LTBP1: variants seen among roughly 807,000 people sequenced by gnomAD.
LTBP1 encodes latent transforming growth factor beta binding protein 1, also known as latent-transforming growth factor beta-binding protein 1.
A neutral mutation model predicts 207.6 loss-of-function variants in LTBP1; 129 were observed. The observed-to-expected ratio is 0.62, with a 90% confidence interval of 0.54 to 0.72. The LOEUF is 0.72. Among genes scored for constraint, LTBP1 ranks in the 30% least tolerant of loss-of-function variants. The pLI, the probability that LTBP1 is intolerant of heterozygous loss-of-function variation, is 0.00. For missense variants in LTBP1, 2,281 were observed against 2,217.2 expected, an observed-to-expected ratio of 1.03 and a Z score of -0.58; for synonymous variants, 963 against 833.7, an observed-to-expected ratio of 1.16 and a Z score of -2.67.
chr2:32,987,919 G>A (rs181604864), intron 2 of LTBP1, among the ~76,000 whole-genome samples: 2 of 152,346 alleles, frequency 1.3e-5, no homozygotes, highest in Admixed American at 1.3e-4. Flanking sequence ...ATCCTGAGAT[G>A]AGGAGGTTTT....
chr2:33,317,903 A>T (rs1430590637), intron 24 of LTBP1: 1 of 152,116 alleles, frequency 6.6e-6, no homozygotes, highest in Non-Finnish European at 1.5e-5. Flanking sequence ...TAAGTGTAGC[A>T]TGGCAGCTTC....
intron 3 of LTBP1, among the ~76,000 whole-genome samples, chr2:33,030,869 G>A (rs1039464181): frequency 6.6e-6 from 1 of 151,976 alleles, no homozygotes; most frequent in Non-Finnish European, 1.5e-5. Context: ...AAGCAATTTT[G>A]TGTTTCTTAG....
chr2:33,139,075 G>T (rs1168716691), intron 5 of LTBP1, among the ~76,000 whole-genome samples: 1 of 151,432 alleles, frequency 6.6e-6, no homozygotes, highest in Non-Finnish European at 1.5e-5. Flanking sequence ...AGCCAGGATG[G>T]TCTCCATCTC....
chr2:32,947,462 C>CGGGCCCCCGCGT lies in LTBP1; in HGVS notation c.139_150dup (p.Gly47_Arg50dup). ...TGGCAGCCGGCGCCTTGCCCCTGAGCGGGCCCCCGCGTTCGCGGACATTCA... is the reference window on the plus strand; with the variant it reads ...TGGCAGCCGGCGCCTTGCCCCTGAGCGGGCCCCCGCGTGGGCCCCCGCGTTCGCGGACATTCA... On this transcript the variant is annotated inframe_insertion, in exon 1 of 34. Coordinates refer to ENST00000404816, the MANE Select transcript of LTBP1 (RefSeq NM_206943.4). The CGGGCCCCCGCGT allele has an allele frequency of 3.5e-6, 5 of 1,442,696 alleles. No homozygotes were observed. Among genetic ancestry groups the CGGGCCCCCGCGT allele is most frequent in the Non-Finnish European group, 4.5e-6 (5 of 1,100,780 alleles). The allele number at this position is 1,442,696 out of a possible 1,614,324, so 89.4% of individuals were successfully genotyped here. A position where few individuals can be genotyped will look rare whatever the true frequency, so the allele number is the denominator to read the frequency against.
chr2:33,294,197 TG>T (rs1258077302), intron 20 of LTBP1, among the ~76,000 whole-genome samples: 1 of 151,086 alleles, frequency 6.6e-6, no homozygotes, highest in Non-Finnish European at 1.5e-5. Flanking sequence ...TTTGTTTCTT[TG>T]TTTTGGGTGT....
At chr2:33,271,125 A>C (rs964915069) in intron 15 of LTBP1, among the ~76,000 whole-genome samples, 1 of 152,226 alleles carries the variant, frequency 6.6e-6, no homozygotes, top group Non-Finnish European at 1.5e-5. Flanking sequence ...CACACATATA[A>C]AGAAGTTCCA....
intron 24 of LTBP1, among the ~76,000 whole-genome samples, chr2:33,326,191 T>C (rs2094424615): frequency 6.6e-6 from 1 of 152,208 alleles, no homozygotes; most frequent in Non-Finnish European, 1.5e-5. Flanking sequence ...TCATGTATAA[T>C]ATCAAGGTTT....
At chr2:33,038,393 C>T (rs1358060100) in intron 3 of LTBP1, among the ~76,000 whole-genome samples, 1 of 152,210 alleles carries the variant, frequency 6.6e-6, no homozygotes, top group Admixed American at 6.5e-5. Context: ...AGCTTTGTCT[C>T]TGTGCCCCAT....
chr2:33,018,313 C>T (rs955851281), intron 2 of LTBP1, among the ~76,000 whole-genome samples: 3 of 152,066 alleles, frequency 2.0e-5, no homozygotes, highest in African/African-American at 7.2e-5. Context: ...AGTCCTTGGC[C>T]TCCCCCTAGG....
chr2:33,326,785 A>C (rs932479200), intron 24 of LTBP1, among the ~76,000 whole-genome samples: 13 of 152,028 alleles, frequency 8.6e-5, no homozygotes, highest in Non-Finnish European at 1.3e-4. Context: ...CAGCCTCCCC[A>C]GTAGCTGGGA....
chr2:32,955,995 T>C (rs2148332434), intron 2 of LTBP1, among the ~76,000 whole-genome samples: 1 of 152,344 alleles, frequency 6.6e-6, no homozygotes, highest in East Asian at 1.9e-4. Flanking sequence ...CTCATGTTTA[T>C]ATACTATATT....
chr2:33,222,930 T>G (rs2091209758), intron 9 of LTBP1, among the ~76,000 whole-genome samples: 1 of 152,352 alleles, frequency 6.6e-6, no homozygotes, highest in East Asian at 1.9e-4. Flanking sequence ...GATGAAGATG[T>G]TGTTATTAGT....
At chr2:33,257,570 T>A in intron 12 of LTBP1, 59 bp downstream of exon 12, 1 of 1,416,972 alleles carries the variant, frequency 7.1e-7, no homozygotes, top group Non-Finnish European at 9.8e-7. Flanking sequence ...TTGCTTTGAT[T>A]TCCCTGTTTA....
intron 20 of LTBP1, among the ~76,000 whole-genome samples, chr2:33,293,970 A>T (rs1023403193): frequency 1.6e-5 from 2 of 128,288 alleles, no homozygotes; most frequent in Non-Finnish European, 3.3e-5. Flanking sequence ...TCAGCTTCTC[A>T]TTAGTGAACA....
chr2:33,133,408 T>C lies in LTBP1; in HGVS notation c.1034-1385T>C, dbSNP rs138613749. On this transcript the variant is annotated intron_variant, in intron 4 of 33. Transcript: ENST00000404816. ...GTGGCGTCAGAAGGGCACTGCTTCTTGACGGCCTTAAAGCCTGACAGATGA... is the reference window on the plus strand; with the variant it reads ...GTGGCGTCAGAAGGGCACTGCTTCTCGACGGCCTTAAAGCCTGACAGATGA... 6.8e-3 allele frequency among the ~76,000 whole-genome samples: 1,032 copies of C among 152,300 alleles called. 16 individuals carry two copies. Among genetic ancestry groups the C allele is most frequent in the African/African-American group, 0.024 (979 of 41,556 alleles).
At chr2:33,225,755 T>C (rs1252881159) in intron 9 of LTBP1, among the ~76,000 whole-genome samples, 1 of 152,228 alleles carries the variant, frequency 6.6e-6, no homozygotes, top group Non-Finnish European at 1.5e-5. Flanking sequence ...TCCCAGCCTC[T>C]AGTTATCTTC....
At chr2:32,973,681 T>C (rs995008851) in intron 2 of LTBP1, among the ~76,000 whole-genome samples, 2 of 151,886 alleles carry the variant, frequency 1.3e-5, no homozygotes, top group Non-Finnish European at 2.9e-5. Flanking sequence ...AGACAATAGG[T>C]CTTATTCATT....
intron 2 of LTBP1, 136 bp downstream of exon 2, chr2:32,949,081 A>G (rs1380926571): frequency 2.5e-6 from 2 of 789,824 alleles, no homozygotes; most frequent in African/African-American, 1.7e-5. Context: ...CCCAGGCTTC[A>G]TTACCACCTA....
chr2:33,277,799 C>CTTTCTTTCTTTCTT (rs1558933708), intron 18 of LTBP1, among the ~76,000 whole-genome samples: 18 of 47,460 alleles, frequency 3.8e-4, no homozygotes, highest in African/African-American at 1.0e-3. Flanking sequence ...CTTTCTTTCT[C>CTTTCTTTCTTTCTT]TCTCTCTTTC....
Sources: gnomAD v4.1 joint callset for allele counts (sites outside exome capture counted in the v4.1 genomes callset) on GRCh38, gnomAD v4.1.1 for gene constraint, MANE v1.5 for transcripts, NCBI Gene and HGNC (gene_info 2026-07-23, HGNC 2026-07-21) for gene names.